The following KDM1A variants were observed in gnomAD, a reference collection of about 807,000 sequenced individuals.
KDM1A encodes lysine demethylase 1A.
Under a neutral mutation model 109.4 loss-of-function variants are expected in KDM1A, and 49 were observed. That is an observed-to-expected ratio of 0.45 (90% confidence interval 0.36 to 0.57). The LOEUF is 0.57. Ranked by LOEUF, KDM1A falls within the 20% of genes least tolerant of loss-of-function variation. KDM1A has a pLI of 0.00. For missense variants in KDM1A, 668 were observed against 1,116.6 expected (o/e 0.60, Z 5.73); for synonymous variants, 380 against 415.4 (o/e 0.91, Z 1.04).
rs561355475 is a variant in KDM1A, at chr1:23,033,946, A to G, written c.517+3312A>G. The stretch of plus-strand genomic sequence containing the variant: ...TGAGATTGGAGAGATAATTTAGGCT[A>G]TTGGTCAATGGAAAAATGTTCTTAA... On this transcript the variant is annotated intron_variant, in intron 2 of 20. Transcript: ENST00000400181. Among the ~76,000 whole-genome samples the G allele has an allele frequency of 1.4e-4, 21 of 152,352 alleles. No homozygotes were observed. The South Asian group carries it at 4.3e-3, about 32-fold the overall frequency.
At chr1:23,069,783 G>A (rs565003320) in intron 12 of KDM1A, among the ~76,000 whole-genome samples, 7 of 152,326 alleles carry the variant, frequency 4.6e-5, no homozygotes, top group African/African-American at 7.2e-5. Flanking sequence ...GGGCTGAACC[G>A]TTAGGGCTCT....
At chr1:23,036,353 A>G (rs1642143277) in intron 2 of KDM1A, among the ~76,000 whole-genome samples, 1 of 152,126 alleles carries the variant, frequency 6.6e-6, no homozygotes, top group Admixed American at 6.5e-5. Flanking sequence ...ATGCTAGTGT[A>G]AAATAAATGC....
intron 2 of KDM1A, among the ~76,000 whole-genome samples, chr1:23,039,827 G>T (rs1478917382): frequency 3.3e-5 from 5 of 152,072 alleles, no homozygotes; most frequent in African/African-American, 1.2e-4. Flanking sequence ...TTCCTTGTAG[G>T]TATTTTTCAT....
At chr1:23,041,435 C>CTTTTTT (rs66720696) in intron 2 of KDM1A, among the ~76,000 whole-genome samples, 7 of 52,998 alleles carry the variant, frequency 1.3e-4, no homozygotes, top group African/African-American at 3.1e-4. Flanking sequence ...TCTTTTCTTG[C>CTTTTTT]TTTTTTTTTT....
At chr1:23,043,288 G>T (rs1031984996) in intron 2 of KDM1A, among the ~76,000 whole-genome samples, 1 of 152,174 alleles carries the variant, frequency 6.6e-6, no homozygotes, top group Non-Finnish European at 1.5e-5. Flanking sequence ...CCCTTCAGAC[G>T]AGAGCTTAGT....
intron 12 of KDM1A, among the ~76,000 whole-genome samples, chr1:23,070,124 G>T (rs1205177859): frequency 6.6e-6 from 1 of 152,254 alleles, no homozygotes; most frequent in African/African-American, 2.4e-5. Flanking sequence ...TGTCACTCTT[G>T]TCCTGTGTGG....
intron 1 of KDM1A, among the ~76,000 whole-genome samples, chr1:23,026,064 C>T (rs1489513835): frequency 2.0e-5 from 3 of 151,978 alleles, no homozygotes; most frequent in African/African-American, 7.3e-5. Context: ...GCTTTCCAGC[C>T]TTGGCGACAG....
At chr1:23,051,131 A>C (rs1254552299) in intron 4 of KDM1A, among the ~76,000 whole-genome samples, 1 of 152,104 alleles carries the variant, frequency 6.6e-6, no homozygotes, top group East Asian at 1.9e-4. Flanking sequence ...TAATAATAAT[A>C]ATCACTTTGT....
chr1:23,059,493 C>T (rs906390126), intron 9 of KDM1A: 30 of 366,036 alleles, frequency 8.2e-5, no homozygotes, highest in Admixed American at 1.5e-4. Flanking sequence ...CCTGATTCTT[C>T]GGTTTTTTTT....
At chr1:23,053,529 G>T (rs1416853760) in intron 4 of KDM1A, among the ~76,000 whole-genome samples, 3 of 152,142 alleles carry the variant, frequency 2.0e-5, no homozygotes, top group African/African-American at 7.2e-5. Flanking sequence ...GGGACTACAG[G>T]CATGTGCCAC....
chr1:23,024,004 C>T (rs1273409220), intron 1 of KDM1A, among the ~76,000 whole-genome samples: 1 of 152,098 alleles, frequency 6.6e-6, no homozygotes, highest in Non-Finnish European at 1.5e-5. Context: ...TGTACACAAC[C>T]ATGCCTGGCT....
intron 2 of KDM1A, among the ~76,000 whole-genome samples, chr1:23,034,791 A>G (rs1355448122): frequency 6.6e-6 from 1 of 152,222 alleles, no homozygotes; most frequent in Admixed American, 6.5e-5. Context: ...TGAGACTTTC[A>G]TGGAAAGTTA....
chr1:23,049,135 AGAGT>A (rs1466313248), intron 3 of KDM1A, among the ~76,000 whole-genome samples: 1 of 132,290 alleles, frequency 7.6e-6, no homozygotes, highest in Middle Eastern at 3.7e-3. Flanking sequence ...CCTGGGCGAC[AGAGT>A]GAGACTCCCT....
intron 2 of KDM1A, among the ~76,000 whole-genome samples, chr1:23,033,165 G>A (rs1268544160): frequency 6.6e-6 from 1 of 152,174 alleles, no homozygotes; most frequent in Non-Finnish European, 1.5e-5. Flanking sequence ...TGGCCTGTGG[G>A]TTTGTTTCTC....
At chr1:23,020,273 G>GGTAA (rs1254852698) in intron 1 of KDM1A, 1 of 210,332 alleles carries the variant, frequency 4.8e-6, no homozygotes, top group Non-Finnish European at 9.4e-6. Flanking sequence ...CTGACGTGGG[G>GGTAA]TTACGGTTGG....
At chr1:23,062,837 C>T (rs1221748617) in intron 9 of KDM1A, among the ~76,000 whole-genome samples, 4 of 152,002 alleles carry the variant, frequency 2.6e-5, no homozygotes, top group Non-Finnish European at 5.9e-5. Flanking sequence ...AAGCATATCC[C>T]TCTAAATAGA....
chr1:23,024,009 C>T (rs1641720977), intron 1 of KDM1A, among the ~76,000 whole-genome samples: 1 of 152,080 alleles, frequency 6.6e-6, no homozygotes, highest in Non-Finnish European at 1.5e-5. Context: ...ACAACCATGC[C>T]TGGCTAATTT....
intron 2 of KDM1A, among the ~76,000 whole-genome samples, chr1:23,039,642 G>A (rs1023735621): frequency 6.6e-5 from 10 of 152,226 alleles, no homozygotes; most frequent in South Asian, 4.2e-4. Flanking sequence ...AGTAGGTACC[G>A]AGCAGTCCTC....
At chr1:23,045,596 C>A (rs1642479811) in intron 3 of KDM1A, among the ~76,000 whole-genome samples, 1 of 152,042 alleles carries the variant, frequency 6.6e-6, no homozygotes, top group Non-Finnish European at 1.5e-5. Flanking sequence ...TTCCATGGAA[C>A]TGTTGAAGAT....
Sources: gnomAD v4.1 joint callset for allele counts (sites outside exome capture counted in the v4.1 genomes callset) on GRCh38, gnomAD v4.1.1 for gene constraint, MANE v1.5 for transcripts, NCBI Gene and HGNC (gene_info 2026-07-23, HGNC 2026-07-21) for gene names.